Variants in TFEB observed in about 807,000 individuals in gnomAD.
The protein encoded by TFEB is T-cell transcription factor EB.
TFEB carries 12 observed loss-of-function variants against 48.0 expected under a neutral mutation model. That is an observed-to-expected ratio of 0.25 (90% confidence interval 0.16 to 0.40). TFEB has a LOEUF of 0.40. Among genes scored for constraint, TFEB ranks in the 10% least tolerant of loss-of-function variants. The pLI, the probability that TFEB is intolerant of heterozygous loss-of-function variation, is 1.00. For synonymous variants in TFEB, 244 were observed against 261.4 expected (o/e 0.93, Z 0.64); for missense variants, 509 against 640.3 (o/e 0.79, Z 2.21).
intron 1 of TFEB, among the ~76,000 whole-genome samples, chr6:41,692,485 A>C (rs897570400): frequency 2.6e-5 from 4 of 152,112 alleles, no homozygotes; most frequent in African/African-American, 7.2e-5. Context: ...CCCAGAGAGG[A>C]CTTCCCACCA....
chr6:41,691,082 C>T lies in TFEB; in HGVS notation c.132G>A (p.Gln44=). The change falls in exon 2 of 9, where the codon CAG becomes CAA. Residue 44 remains glutamine (Q), a synonymous_variant. Transcript: ENST00000373033. This position sits in a 1 kb window ranked among gnomAD's most constrained non-coding sequence, Gnocchi z 5.2. ...MQQQQQQQQQ[Q]LGGPPTPAIN... is the part of the protein sequence containing the mutation. ...TGGCCGGGGTGGGCGGCCCTCCGAG[C>T]TGCTGCTGTTGCTGCTGCTGCTGCT... The T allele has an allele frequency of 6.3e-7, 1 of 1,575,624 alleles. No individual in the cohort carries two copies. The highest frequency in any genetic ancestry group is 8.6e-7 in the Non-Finnish European group (1 of 1,159,340).
chr6:41,707,235 G>A (rs1018591178), intron 1 of TFEB, among the ~76,000 whole-genome samples: 1 of 152,208 alleles, frequency 6.6e-6, no homozygotes, highest in Non-Finnish European at 1.5e-5. Flanking sequence ...CCTGCCTGGA[G>A]TGAGTGCAGC....
At chr6:41,689,876 G>C (rs1769206281) in intron 3 of TFEB, 65 bp from the exon 4 acceptor site, 1 of 1,346,806 alleles carries the variant, frequency 7.4e-7, no homozygotes, top group Admixed American at 1.7e-5. Flanking sequence ...AAGAGGCATT[G>C]GGACAACCAC....
Position 41,686,992 on chromosome 6 carries a change from TCTC to T in TFEB, c.803+99_803+101del, listed in dbSNP as rs1275787822. The T allele has an allele frequency of 9.4e-6, 9 of 954,416 alleles. No individual in the cohort carries two copies. The East Asian group carries it at 2.2e-4, about 23-fold the overall frequency. The allele number at this position is 954,416 out of a possible 1,614,324, so 59.1% of individuals were successfully genotyped here. ...AAATAGATGAACTTCTAGAAGGAAT[TCTC>T]CTCCCATCCTAGTAACTAGCATGGG... On this transcript the variant is annotated intron_variant, in intron 7 of 8. Coordinates refer to ENST00000373033, the MANE Select transcript of TFEB (RefSeq NM_001271944.2).
chr6:41,727,139 G>A (rs376520466), intron 1 of TFEB, among the ~76,000 whole-genome samples: 2 of 152,190 alleles, frequency 1.3e-5, no homozygotes, highest in East Asian at 1.9e-4. Flanking sequence ...GGGCACCTTC[G>A]CAGCCACCTC....
intron 1 of TFEB, among the ~76,000 whole-genome samples, chr6:41,716,671 C>T (rs966455474): frequency 6.6e-6 from 1 of 152,154 alleles, no homozygotes; most frequent in Non-Finnish European, 1.5e-5. Context: ...GCCCCTGCCA[C>T]CCCCACCCCC....
chr6:41,707,296 A>G (rs1770278198), intron 1 of TFEB, among the ~76,000 whole-genome samples: 1 of 152,182 alleles, frequency 6.6e-6, no homozygotes, highest in African/African-American at 2.4e-5. Context: ...TCGGGCTGCC[A>G]TGGCTGGGCC....
intron 1 of TFEB, among the ~76,000 whole-genome samples, chr6:41,731,374 T>C (rs1771443269): frequency 6.6e-6 from 1 of 152,174 alleles, no homozygotes; most frequent in Non-Finnish European, 1.5e-5. Flanking sequence ...TGGCTATGGC[T>C]GTCCCAAGAA....
intron 1 of TFEB, among the ~76,000 whole-genome samples, chr6:41,696,430 C>T (rs1346518854): frequency 1.3e-5 from 2 of 152,198 alleles, no homozygotes; most frequent in Non-Finnish European, 2.9e-5. Flanking sequence ...TGGTGGTTCA[C>T]ACCTGTAATC....
At chr6:41,689,255 G>A (rs2127447486) in intron 4 of TFEB, among the ~76,000 whole-genome samples, 1 of 152,244 alleles carries the variant, frequency 6.6e-6, no homozygotes, top group Non-Finnish European at 1.5e-5. Context: ...CCTGTGGTTG[G>A]GGACAAGGCC....
At chr6:41,689,707 C>A (rs1178851033) in intron 4 of TFEB, 24 bp downstream of exon 4, 3 of 1,607,812 alleles carry the variant, frequency 1.9e-6, no homozygotes, top group Non-Finnish European at 2.6e-6. Flanking sequence ...CCTTGCACAC[C>A]CACCCCACCC....
rs1769097171 is a variant in TFEB at position 41,687,925 on chromosome 6, T to G, written c.653A>C (p.Gln218Pro). The change falls in exon 5 of 9, where the codon CAG becomes CCG. Residue 218 changes from glutamine to proline, a missense_variant. By Grantham distance (76) the Gln-to-Pro change is moderately conservative (BLOSUM62 -1). Around this residue, in one of 4 missense-constraint regions of TFEB, gnomAD observed 251 missense variants for 317.2 expected, o/e 0.79. Coordinates refer to ENST00000373033, the MANE Select transcript of TFEB (RefSeq NM_001271944.2). ...TSSSCPADLT[Q>P]KRELTDAESR... ...GGCAGTACCTGTGAGCTCTCGCTTC[T>G]GGGTCAGGTCCGCAGGGCAGGAGCT... 2 of 1,613,786 alleles carry G rather than the reference T, an allele frequency of 1.2e-6. No individual in the cohort carries two copies. Among genetic ancestry groups the G allele is most frequent in the Non-Finnish European group, 1.7e-6 (2 of 1,179,864 alleles).
At chr6:41,728,590 A>G (rs1771312009) in intron 1 of TFEB, among the ~76,000 whole-genome samples, 1 of 152,082 alleles carries the variant, frequency 6.6e-6, no homozygotes, top group Non-Finnish European at 1.5e-5. Flanking sequence ...AGCAATTATA[A>G]ACAAGGCAAA....
intron 1 of TFEB, among the ~76,000 whole-genome samples, chr6:41,706,451 C>T (rs911261476): frequency 1.3e-5 from 2 of 152,092 alleles, no homozygotes; most frequent in Non-Finnish European, 2.9e-5. Flanking sequence ...AGGAACTCAG[C>T]GGGGGCTCTT....
In TFEB at chr6:41,730,556, A is replaced by T. The variant is rs1425551557; in HGVS notation, c.-23+4794T>A. ...CCTCATTTTTCCTCCTTAAGCCCAC[A>T]CTTAAGAGCCAGGAAGGAAAGCTGG... On this transcript the variant is annotated intron_variant, in intron 1 of 8. Transcript: ENST00000373033. This position sits in a 1 kb window ranked among gnomAD's most constrained non-coding sequence, Gnocchi z 4.1. 6.6e-6 allele frequency among the ~76,000 whole-genome samples: 1 copy of T among 152,116 alleles called. No individual in the cohort carries two copies. Among genetic ancestry groups the T allele is most frequent in the Non-Finnish European group, 1.5e-5 (1 of 68,000 alleles).
At chr6:41,693,842 C>T (rs1486373876) in intron 1 of TFEB, among the ~76,000 whole-genome samples, 2 of 152,146 alleles carry the variant, frequency 1.3e-5, no homozygotes, top group Non-Finnish European at 2.9e-5. Flanking sequence ...CTTTGCCCAC[C>T]CCCTTCCTAT....
At chr6:41,714,055 A>G (rs1474975482) in intron 1 of TFEB, among the ~76,000 whole-genome samples, 1 of 152,060 alleles carries the variant, frequency 6.6e-6, no homozygotes, top group African/African-American at 2.4e-5. Context: ...GAGGGCAAGG[A>G]CCTTTCCCAG....
At chr6:41,728,897 T>C (rs1340405638) in intron 1 of TFEB, among the ~76,000 whole-genome samples, 1 of 152,032 alleles carries the variant, frequency 6.6e-6, no homozygotes, top group Non-Finnish European at 1.5e-5. Context: ...ATTTTTTTGG[T>C]GTCTGCATTT....
chr6:41,711,467 G>A (rs1581915254), intron 1 of TFEB, among the ~76,000 whole-genome samples: 1 of 152,172 alleles, frequency 6.6e-6, no homozygotes, highest in Non-Finnish European at 1.5e-5. Context: ...CCTCCCAGGT[G>A]GGGTATGAAA....
Sources: allele counts gnomAD v4.1 joint callset (sites outside exome capture counted in the v4.1 genomes callset), GRCh38; gene constraint gnomAD v4.1.1; regional missense constraint gnomAD v4.1.1; non-coding constraint Gnocchi (gnomAD v3.1); transcripts MANE v1.5; gene names NCBI Gene and HGNC (gene_info 2026-07-23, HGNC 2026-07-21).